Variants in MSH3 observed in about 807,000 individuals in gnomAD.
MSH3 encodes DNA mismatch repair protein Msh3.
MSH3 carries 106 observed loss-of-function variants against 123.3 expected under a neutral mutation model. The observed-to-expected ratio is 0.86, with a 90% CI of 0.73 to 1.01. MSH3 has a LOEUF of 1.01. MSH3 is among the 50% of genes least tolerant of loss of function. MSH3 has a pLI of 0.00. For synonymous variants in MSH3, 515 were observed against 481.4 expected, an observed-to-expected ratio of 1.07 and a Z score of -0.91; for missense variants, 1,459 against 1,347.6, an observed-to-expected ratio of 1.08 and a Z score of -1.29.
chr5:80,733,137 A>C (rs779242403), intron 10 of MSH3, among the ~76,000 whole-genome samples: 5 of 152,234 alleles, frequency 3.3e-5, no homozygotes, highest in Admixed American at 6.5e-5. Context: ...GCATAAGCAC[A>C]GACATGTGAT....
At chr5:80,762,061 A>G (rs1180815066) in intron 13 of MSH3, among the ~76,000 whole-genome samples, 1 of 152,126 alleles carries the variant, frequency 6.6e-6, no homozygotes, top group African/African-American at 2.4e-5. Flanking sequence ...TTCTTAAACT[A>G]TGGAAAAATC....
At chr5:80,661,141 C>T (rs1749425469) in intron 2 of MSH3, among the ~76,000 whole-genome samples, 1 of 152,066 alleles carries the variant, frequency 6.6e-6, no homozygotes, top group African/African-American at 2.4e-5. Flanking sequence ...TTATTTTTAT[C>T]CTGTTTAGAG....
chr5:80,726,394 C>T (rs564514517), intron 9 of MSH3, among the ~76,000 whole-genome samples: 3 of 152,304 alleles, frequency 2.0e-5, no homozygotes, highest in Non-Finnish European at 4.4e-5. Context: ...TGCATCTAGG[C>T]ATCAGTGTCT....
Position 80,675,230 on chromosome 5 carries a change from C to T in MSH3, c.1173+102C>T. 3 of 1,244,090 alleles carry T rather than the reference C, an allele frequency of 2.4e-6. No individual in the cohort carries two copies. In the South Asian group the frequency reaches 3.9e-5, roughly 16 times the overall value. The allele number at this position is 1,244,090 out of a possible 1,614,324, so 77.1% of individuals were successfully genotyped here. A position where few individuals can be genotyped will look rare whatever the true frequency, so the allele number is the denominator to read the frequency against. ...TAATAAGGATATCTGATGAAGTGTA[C>T]CTTCAGATAATTATACAAGAAAAAC... is the stretch of plus-strand genomic sequence containing the variant. On this transcript the variant is annotated intron_variant, in intron 7 of 23. Transcript: ENST00000265081.
At chr5:80,762,955 T>C (rs1214759734) in intron 13 of MSH3, among the ~76,000 whole-genome samples, 1 of 152,010 alleles carries the variant, frequency 6.6e-6, no homozygotes, top group Non-Finnish European at 1.5e-5. Flanking sequence ...TAATCGATTC[T>C]TCTGTCTCAG....
chr5:80,738,503 C>T (rs954595028), intron 10 of MSH3, among the ~76,000 whole-genome samples: 13 of 151,996 alleles, frequency 8.6e-5, no homozygotes, highest in African/African-American at 2.2e-4. Context: ...TTTCAGAATC[C>T]GAAGCCTAAA....
chr5:80,824,941 C>T (rs963058235), intron 20 of MSH3, among the ~76,000 whole-genome samples: 1 of 152,114 alleles, frequency 6.6e-6, no homozygotes, highest in Non-Finnish European at 1.5e-5. Context: ...GGACATGTTC[C>T]CTATCCATTC....
At chr5:80,828,156 C>T (rs1218084660) in intron 20 of MSH3, among the ~76,000 whole-genome samples, 5 of 152,064 alleles carry the variant, frequency 3.3e-5, no homozygotes, top group African/African-American at 7.2e-5. Flanking sequence ...CTGGGAAGTC[C>T]GAGGTCAAGG....
chr5:80,853,558 A>G (rs1369314490), intron 20 of MSH3, among the ~76,000 whole-genome samples: 1 of 152,114 alleles, frequency 6.6e-6, no homozygotes. Flanking sequence ...TTTTGGATCT[A>G]TTTCTTGACA....
chr5:80,700,069 G>C (rs1245792744), intron 8 of MSH3, among the ~76,000 whole-genome samples: 1 of 152,056 alleles, frequency 6.6e-6, no homozygotes, highest in Non-Finnish European at 1.5e-5. Context: ...TAACTATTTA[G>C]ATAATCTAGA....
At chr5:80,871,288 T>G (rs1746209185) in intron 22 of MSH3, among the ~76,000 whole-genome samples, 1 of 152,126 alleles carries the variant, frequency 6.6e-6, no homozygotes, top group Non-Finnish European at 1.5e-5. Flanking sequence ...TAGTTTGGGG[T>G]AATTTGCAAA....
chr5:80,811,292 A>T (rs567033330), intron 19 of MSH3, among the ~76,000 whole-genome samples: 20 of 152,222 alleles, frequency 1.3e-4, no homozygotes, highest in Non-Finnish European at 2.8e-4. Context: ...TTGTTTCACA[A>T]GTGAATGTTG....
chr5:80,699,885 TC>T (rs1311974968), intron 8 of MSH3, among the ~76,000 whole-genome samples: 1 of 152,192 alleles, frequency 6.6e-6, no homozygotes, highest in Non-Finnish European at 1.5e-5. Flanking sequence ...GGCACTAGCC[TC>T]CCCTCTGGCG....
intron 19 of MSH3, among the ~76,000 whole-genome samples, chr5:80,809,141 A>C (rs1048906881): frequency 2.6e-5 from 4 of 151,792 alleles, no homozygotes; most frequent in Admixed American, 6.6e-5. Flanking sequence ...TATAGTTTCA[A>C]AGGAATTTCA....
At chr5:80,849,390 G>C (rs935812257) in intron 20 of MSH3, among the ~76,000 whole-genome samples, 3 of 152,342 alleles carry the variant, frequency 2.0e-5, no homozygotes, top group African/African-American at 4.8e-5. Context: ...TAGGGACTCT[G>C]TGTGGGGGCT....
Position 80,862,454 on chromosome 5 carries a change from A to C in MSH3, c.3001-2359A>C, listed in dbSNP as rs565863262. ...AATATATAAAATATGCCTTAAAATA[A>C]TGCTTATTAAAGAATCCATGAGACT... On this transcript the variant is annotated intron_variant, in intron 21 of 23. Coordinates refer to ENST00000265081, the MANE Select transcript of MSH3 (RefSeq NM_002439.5). 3.9e-5 allele frequency among the ~76,000 whole-genome samples: 6 copies of C among 152,242 alleles called. No individual in the cohort carries two copies. The South Asian group carries it at 1.2e-3, about 32-fold the overall frequency.
At chr5:80,669,394 A>C (rs762267724) in intron 3 of MSH3, among the ~76,000 whole-genome samples, 1 of 152,218 alleles carries the variant, frequency 6.6e-6, no homozygotes, top group Non-Finnish European at 1.5e-5. Context: ...TTAGCCAACT[A>C]TAAATTTGTC....
intron 12 of MSH3, among the ~76,000 whole-genome samples, chr5:80,749,984 C>G (rs889697369): frequency 6.6e-6 from 1 of 150,994 alleles, no homozygotes; most frequent in African/African-American, 2.4e-5. Flanking sequence ...CTGTGCCTGG[C>G]TTATTTCACT....
At chr5:80,811,622 A>G (rs1467725994) in intron 19 of MSH3, among the ~76,000 whole-genome samples, 1 of 152,028 alleles carries the variant, frequency 6.6e-6, no homozygotes, top group African/African-American at 2.4e-5. Flanking sequence ...TATTCGTGCT[A>G]TTTCTTTCTT....
Sources: gnomAD v4.1 joint callset for allele counts (sites outside exome capture counted in the v4.1 genomes callset) on GRCh38, gnomAD v4.1.1 for gene constraint, MANE v1.5 for transcripts, NCBI Gene and HGNC (gene_info 2026-07-23, HGNC 2026-07-21) for gene names.